Variants in COPS3 observed in about 807,000 individuals in gnomAD.
COPS3 encodes the protein COP9 signalosome complex subunit 3.
COPS3 carries 10 observed loss-of-function variants against 58.2 expected under a neutral mutation model. The observed-to-expected ratio is 0.17, with a 90% CI of 0.11 to 0.29. COPS3 has a LOEUF of 0.29. Ranked by LOEUF, COPS3 falls within the 10% of genes least tolerant of loss-of-function variation. COPS3 has a pLI of 1.00. For missense variants in COPS3, 333 were observed against 510.1 expected, an observed-to-expected ratio of 0.65 and a Z score of 3.34; for synonymous variants, 187 against 181.7, an observed-to-expected ratio of 1.03 and a Z score of -0.24.
At chr17:17,265,064 A>G (rs988501009) in intron 5 of COPS3, 83 bp from the exon 6 acceptor site, 4 of 1,208,978 alleles carry the variant, frequency 3.3e-6, no homozygotes, top group Non-Finnish European at 3.5e-6. Context: ...TTGATTCCAG[A>G]AATTTCCAAA....
chr17:17,268,160 G>T, intron 4 of COPS3, 183 bp from the exon 5 acceptor site: 1 of 834,778 alleles, frequency 1.2e-6, no homozygotes, highest in Non-Finnish European at 1.6e-6. Flanking sequence ...TTCTTAAGCT[G>T]TTTCTTGGAA....
chr17:17,251,317 G>A lies in COPS3; in HGVS notation c.1024-2278C>T, dbSNP rs540645230. On this transcript the variant is annotated intron_variant, in intron 9 of 11. Coordinates refer to ENST00000268717, the MANE Select transcript of COPS3 (RefSeq NM_003653.4). ...CCTATTTATTTATTTTTTTGGAGAC[G>A]GAGTTTCGCTCTTGTCACCCAGGCT... Among the ~76,000 whole-genome samples the A allele has an allele frequency of 6.2e-5, 9 of 145,678 alleles. No individual in the cohort carries two copies. The South Asian group carries it at 6.6e-4, about 11-fold the overall frequency.
intron 5 of COPS3, 63 bp downstream of exon 5, chr17:17,267,822 G>T: frequency 6.5e-7 from 1 of 1,538,480 alleles, no homozygotes; most frequent in Non-Finnish European, 8.9e-7. Flanking sequence ...ACCCAATGTT[G>T]AGCAAGCCCA....
At chr17:17,268,191 ATT>A in intron 4 of COPS3, 1 of 524,954 alleles carries the variant, frequency 1.9e-6, no homozygotes. Context: ...ACTCAGCACC[ATT>A]TTTTAAATCA....
intron 5 of COPS3, among the ~76,000 whole-genome samples, 153 bp from the exon 6 acceptor site, chr17:17,265,134 T>A (rs559010084): frequency 6.6e-6 from 1 of 152,244 alleles, no homozygotes; most frequent in Non-Finnish European, 1.5e-5. Context: ...ACACATTTCA[T>A]GTATCTGCTA....
rs1030838166 is a variant in COPS3, at chr17:17,280,794, G to T, written c.55+338C>A. On this transcript the variant is annotated intron_variant, in intron 1 of 11. Coordinates refer to ENST00000268717, the MANE Select transcript of COPS3 (RefSeq NM_003653.4). ...CCAATCACCGAAGGCAAGAGAGACA[G>T]AAGGAACCAATAGTCGCCCGAGATG... 1.1e-5 allele frequency: 14 copies of T among 1,270,334 alleles called. No homozygotes were observed. The African/African-American group carries it at 1.9e-4, about 17-fold the overall frequency. 78.7% of individuals were successfully genotyped at this position (1,270,334 alleles called of 1,614,324 possible). A position where few individuals can be genotyped will look rare whatever the true frequency, so the allele number is the denominator to read the frequency against.
At chr17:17,251,912 AC>A (rs1399714885) in intron 9 of COPS3, among the ~76,000 whole-genome samples, 2 of 152,092 alleles carry the variant, frequency 1.3e-5, no homozygotes, top group Non-Finnish European at 2.9e-5. Flanking sequence ...TACTAAAAAT[AC>A]AAAAAATTAG....
intron 1 of COPS3, among the ~76,000 whole-genome samples, chr17:17,279,736 A>G (rs2048535397): frequency 6.6e-6 from 1 of 152,230 alleles, no homozygotes; most frequent in South Asian, 2.1e-4. Flanking sequence ...CCCTTATGAC[A>G]GGCACTGTTC....
rs148262295 is a variant in COPS3 at position 17,273,103 on chromosome 17, T to C, written c.186-2095A>G. Among the ~76,000 whole-genome samples the C allele has an allele frequency of 1.1e-3, 167 of 152,302 alleles. 1 individual carries two copies. Among genetic ancestry groups the C allele is most frequent in the Non-Finnish European group, 1.9e-3 (129 of 68,016 alleles). On this transcript the variant is annotated intron_variant, in intron 2 of 11. Transcript: ENST00000268717. ...ATTGTGGTTGTCATGACATTTGAAA[T>C]GATATAAATAAACTGAGAAGAAATT...
intron 9 of COPS3, among the ~76,000 whole-genome samples, chr17:17,250,981 A>G (rs1019028275): frequency 3.3e-5 from 5 of 152,030 alleles, no homozygotes; most frequent in African/African-American, 1.2e-4. Flanking sequence ...AACAACCCCA[A>G]TGTCTAACTA....
chr17:17,259,942 C>T (rs1158176404), intron 8 of COPS3, among the ~76,000 whole-genome samples: 1 of 151,626 alleles, frequency 6.6e-6, no homozygotes, highest in Non-Finnish European at 1.5e-5. Flanking sequence ...ACAGACAGAA[C>T]AGACAGGTTG....
At chr17:17,258,295 T>G (rs1273418048) in intron 8 of COPS3, among the ~76,000 whole-genome samples, 2 of 152,136 alleles carry the variant, frequency 1.3e-5, no homozygotes, top group African/African-American at 4.8e-5. Context: ...TCTTCCTGTT[T>G]GATCAAAAAA....
At chr17:17,275,718 C>T (rs1015503455) in intron 2 of COPS3, among the ~76,000 whole-genome samples, 4 of 152,212 alleles carry the variant, frequency 2.6e-5, no homozygotes, top group Non-Finnish European at 4.4e-5. Flanking sequence ...CCAAGGTGGG[C>T]GGACCAAGAG....
chr17:17,265,101 T>G, intron 5 of COPS3, 120 bp from the exon 6 acceptor site: 1 of 849,388 alleles, frequency 1.2e-6, no homozygotes, highest in South Asian at 1.6e-5. Flanking sequence ...TACATTTTAT[T>G]GACTAAAATT....
chr17:17,250,153 T>TACTA (rs2047810366), intron 9 of COPS3, among the ~76,000 whole-genome samples: 1 of 152,172 alleles, frequency 6.6e-6, no homozygotes, highest in African/African-American at 2.4e-5. Context: ...TGGAATCATA[T>TACTA]ACTATGTAAT....
chr17:17,255,498 G>A (rs951167869), intron 8 of COPS3, among the ~76,000 whole-genome samples: 4 of 57,520 alleles, frequency 7.0e-5, no homozygotes, highest in Non-Finnish European at 1.1e-4. Context: ...AAAAAAAAGT[G>A]TACAGAGCTC....
At chr17:17,268,558 C>T (rs1162534704) in intron 4 of COPS3, among the ~76,000 whole-genome samples, 1 of 152,176 alleles carries the variant, frequency 6.6e-6, no homozygotes, top group Non-Finnish European at 1.5e-5. Flanking sequence ...CGGTGGCTCA[C>T]ACCTGTAATC....
chr17:17,259,114 C>A (rs558682139), intron 8 of COPS3, among the ~76,000 whole-genome samples: 1 of 152,288 alleles, frequency 6.6e-6, no homozygotes, highest in South Asian at 2.1e-4. Context: ...CCAAATCCAT[C>A]AGCCTTTTCC....
At chr17:17,256,435 T>C (rs2145202963) in intron 8 of COPS3, among the ~76,000 whole-genome samples, 1 of 152,310 alleles carries the variant, frequency 6.6e-6, no homozygotes, top group Non-Finnish European at 1.5e-5. Flanking sequence ...TAAAAGAGGC[T>C]ACACACTTGT....
Sources: gnomAD v4.1 joint callset for allele counts (sites outside exome capture counted in the v4.1 genomes callset) on GRCh38, gnomAD v4.1.1 for gene constraint, MANE v1.5 for transcripts, NCBI Gene and HGNC (gene_info 2026-07-23, HGNC 2026-07-21) for gene names.